The following SULT2B1 variants were observed in gnomAD, a reference collection of about 807,000 sequenced individuals.
SULT2B1 encodes the protein sulfotransferase family 2B member 1, also known as sulfotransferase 2B1.
In SULT2B1, 16 loss-of-function variants were observed where a neutral mutation model predicts 33.2. The observed-to-expected ratio is 0.48, with a 90% CI of 0.33 to 0.73. SULT2B1 has a LOEUF of 0.73. SULT2B1 is among the 30% of genes least tolerant of loss of function. The pLI, the probability that SULT2B1 is intolerant of heterozygous loss-of-function variation, is 0.02. For missense variants in SULT2B1, 500 were observed against 506.0 expected (o/e 0.99, Z 0.11); for synonymous variants, 186 against 200.5 (o/e 0.93, Z 0.61).
chr19:48,566,706 G>A (rs143619721), intron 1 of SULT2B1, among the ~76,000 whole-genome samples: 2 of 152,148 alleles, frequency 1.3e-5, no homozygotes, highest in African/African-American at 2.4e-5. Context: ...GCTGGGCGTG[G>A]CAGTGTGCTC....
At chr19:48,590,208 C>T (rs946408578) in intron 3 of SULT2B1, among the ~76,000 whole-genome samples, 4 of 151,860 alleles carry the variant, frequency 2.6e-5, no homozygotes, top group African/African-American at 9.7e-5. Context: ...AGGCTGGTCT[C>T]GAACACCTGA....
rs376041292 is a variant in SULT2B1 at position 48,596,713 on chromosome 19, C to T, written c.646-26C>T. 58 of 1,573,162 alleles carry T rather than the reference C, an allele frequency of 3.7e-5. No individual in the cohort carries two copies. The Middle Eastern group carries it at 1.9e-3, about 52-fold the overall frequency. On this transcript the variant is annotated intron_variant, in intron 5 of 6. Coordinates refer to ENST00000201586, the MANE Select transcript of SULT2B1 (RefSeq NM_177973.2). ...CTTCCTTGGCCGAGTGCCCTCCCTCCGCTGACCCCTCTCCCCTGCCTGCAG... is the reference window on the plus strand; with the variant it reads ...CTTCCTTGGCCGAGTGCCCTCCCTCTGCTGACCCCTCTCCCCTGCCTGCAG...
intron 2 of SULT2B1, among the ~76,000 whole-genome samples, chr19:48,583,151 CAAAAATA>C (rs993370307): frequency 7.0e-6 from 1 of 142,220 alleles, no homozygotes; most frequent in African/African-American, 2.9e-5. Flanking sequence ...AACTCTGTCT[CAAAAATA>C]AAAAATAAAA....
chr19:48,588,985 A>AG (rs1309650891), intron 3 of SULT2B1, among the ~76,000 whole-genome samples: 2 of 152,154 alleles, frequency 1.3e-5, no homozygotes, highest in African/African-American at 4.8e-5. Context: ...TGCGGACTTG[A>AG]GCTCTGACCG....
At chr19:48,557,888 C>T (rs541794648) in intron 1 of SULT2B1, among the ~76,000 whole-genome samples, 4 of 152,206 alleles carry the variant, frequency 2.6e-5, no homozygotes, top group South Asian at 2.1e-4. Flanking sequence ...CATTACACTC[C>T]AGCCTGGGCA....
chr19:48,590,879 G>GA (rs1973634662), intron 3 of SULT2B1, among the ~76,000 whole-genome samples: 1 of 151,928 alleles, frequency 6.6e-6, no homozygotes, highest in African/African-American at 2.4e-5. Flanking sequence ...TGTCATGTAG[G>GA]CTGGAGTGCA....
intron 3 of SULT2B1, among the ~76,000 whole-genome samples, chr19:48,590,178 G>T (rs570034479): frequency 2.0e-5 from 3 of 151,836 alleles, no homozygotes; most frequent in Non-Finnish European, 4.4e-5. Flanking sequence ...CAGTAGAGAC[G>T]GGGTTTCACC....
intron 1 of SULT2B1, among the ~76,000 whole-genome samples, chr19:48,572,228 A>G (rs1409123034): frequency 6.6e-6 from 1 of 152,070 alleles, no homozygotes; most frequent in Non-Finnish European, 1.5e-5. Flanking sequence ...AGAGGGTGAC[A>G]TCTGTGCTGG....
At chr19:48,583,182 A>G (rs1418526472) in intron 2 of SULT2B1, among the ~76,000 whole-genome samples, 2 of 151,966 alleles carry the variant, frequency 1.3e-5, no homozygotes, top group Non-Finnish European at 2.9e-5. Context: ...AAAACAGAAG[A>G]AAATACCAAG....
chr19:48,564,572 AAAAG>A (rs1555731883), intron 1 of SULT2B1, among the ~76,000 whole-genome samples: 1 of 146,906 alleles, frequency 6.8e-6, no homozygotes, highest in Non-Finnish European at 1.5e-5. Context: ...AAAAAAAAAA[AAAAG>A]AAAGAAAAAA....
At chr19:48,584,088 GA>G (rs1973531387) in intron 2 of SULT2B1, among the ~76,000 whole-genome samples, 1 of 152,196 alleles carries the variant, frequency 6.6e-6, no homozygotes. Context: ...CTCCAGCCTG[GA>G]AACACAGCAA....
At chr19:48,574,085 C>T (rs1435749031) in intron 1 of SULT2B1, among the ~76,000 whole-genome samples, 1 of 152,188 alleles carries the variant, frequency 6.6e-6, no homozygotes, top group Non-Finnish European at 1.5e-5. Flanking sequence ...TGGTCTCGAA[C>T]TCCTGGCCTC....
At chr19:48,566,515 TGGCAAAA>T (rs1269153132) in intron 1 of SULT2B1, among the ~76,000 whole-genome samples, 2 of 152,122 alleles carry the variant, frequency 1.3e-5, no homozygotes, top group Non-Finnish European at 2.9e-5. Context: ...CTGGCCAAAA[TGGCAAAA>T]CCCCATCATT....
In SULT2B1 at chr19:48,559,971, A is replaced by C. The variant is rs575624772; in HGVS notation, c.71+7648A>C. 1.7e-3 allele frequency among the ~76,000 whole-genome samples: 258 copies of C among 152,102 alleles called. 2 individuals carry two copies. The highest frequency in any genetic ancestry group is 0.012 in the Admixed American group (182 of 15,248). ...CCTCATCTCTCTTTAAAAAAAAAAA[A>C]AAAAAATTAAAAAGAAAAGAAGAAT... On this transcript the variant is annotated intron_variant, in intron 1 of 6. Transcript: ENST00000201586.
At chr19:48,579,605 CTTTTTT>C (rs149157128) in intron 2 of SULT2B1, among the ~76,000 whole-genome samples, 1 of 79,736 alleles carries the variant, frequency 1.3e-5, no homozygotes, top group Non-Finnish European at 2.3e-5. Context: ...TTCTTTCTTT[CTTTTTT>C]TTTTTTTTTT....
At chr19:48,575,906 C>G (rs748467403) in intron 1 of SULT2B1, 35 bp from the exon 2 acceptor site, 3 of 1,595,026 alleles carry the variant, frequency 1.9e-6, no homozygotes, top group Non-Finnish European at 2.6e-6. Flanking sequence ...CACCTCCCTA[C>G]TCTCCCTCAT....
chr19:48,572,283 G>T (rs1452588693), intron 1 of SULT2B1, among the ~76,000 whole-genome samples: 2 of 152,122 alleles, frequency 1.3e-5, no homozygotes, highest in African/African-American at 4.8e-5. Context: ...GGGAGGCCGA[G>T]GTGGGCGGAT....
At chr19:48,580,782 C>G (rs1973475633) in intron 2 of SULT2B1, among the ~76,000 whole-genome samples, 1 of 151,670 alleles carries the variant, frequency 6.6e-6, no homozygotes, top group South Asian at 2.1e-4. Flanking sequence ...CCACCACACC[C>G]AGCTAATTTT....
At chr19:48,564,286 G>T (rs918071892) in intron 1 of SULT2B1, among the ~76,000 whole-genome samples, 1 of 151,358 alleles carries the variant, frequency 6.6e-6, no homozygotes, top group African/African-American at 2.4e-5. Context: ...GGGTGCAGTG[G>T]CTCACGCCTG....
Sources: allele counts gnomAD v4.1 joint callset (sites outside exome capture counted in the v4.1 genomes callset), GRCh38; gene constraint gnomAD v4.1.1; transcripts MANE v1.5; gene names NCBI Gene and HGNC (gene_info 2026-07-23, HGNC 2026-07-21).